ADGRL2: variants seen among roughly 807,000 people sequenced by gnomAD.
ADGRL2 encodes the protein calcium-independent alpha-latrotoxin receptor 2.
ADGRL2 carries 44 observed loss-of-function variants against 157.4 expected under a neutral mutation model. The observed-to-expected ratio is 0.28, with a 90% CI of 0.22 to 0.36. The LOEUF is 0.36. ADGRL2 is among the 10% of genes least tolerant of loss of function. The pLI is 1.00. For missense variants in ADGRL2, 1,510 were observed against 1,768.9 expected, an observed-to-expected ratio of 0.85 and a Z score of 2.63; for synonymous variants, 585 against 624.7, an observed-to-expected ratio of 0.94 and a Z score of 0.95.
At chr1:81,612,847 C>T (rs530158947) in intron 3 of ADGRL2, among the ~76,000 whole-genome samples, 1 of 152,286 alleles carries the variant, frequency 6.6e-6, no homozygotes, top group Admixed American at 6.5e-5. Context: ...AAATGCACAT[C>T]AAAATCACAA....
intron 1 of ADGRL2, among the ~76,000 whole-genome samples, chr1:81,357,391 T>C (rs1400183076): frequency 6.6e-6 from 1 of 152,226 alleles, no homozygotes; most frequent in Non-Finnish European, 1.5e-5. Context: ...GGCTCCTTTA[T>C]ATTCAGTTGA....
chr1:81,915,035 C>T lies in ADGRL2; in HGVS notation c.287+7805C>T, dbSNP rs375940390. ...TATCTAAATATCTTTTATGACCCTG[C>T]TTATCAAATGTAGAAAAGAGAGAAA... On this transcript the variant is annotated intron_variant, in intron 3 of 23. Transcript: ENST00000686636. Among the ~76,000 whole-genome samples the T allele has an allele frequency of 1.1e-4, 17 of 152,222 alleles. No homozygotes were observed. The East Asian group carries it at 3.1e-3, about 28-fold the overall frequency.
intron 2 of ADGRL2, among the ~76,000 whole-genome samples, chr1:81,524,210 C>T (rs1025564712): frequency 2.0e-5 from 3 of 150,530 alleles, no homozygotes; most frequent in South Asian, 2.1e-4. Flanking sequence ...AAAAAAAATA[C>T]AAAAAATTAG....
intron 2 of ADGRL2, chr1:81,503,065 C>G: frequency 5.0e-6 from 8 of 1,609,186 alleles, no homozygotes; most frequent in South Asian, 1.1e-5. Context: ...GCTGCGGGAG[C>G]GGCTGGAGTC....
At chr1:81,437,487 A>G (rs1238768725) in intron 1 of ADGRL2, among the ~76,000 whole-genome samples, 1 of 152,148 alleles carries the variant, frequency 6.6e-6, no homozygotes, top group Non-Finnish European at 1.5e-5. Context: ...TGCTTCCATT[A>G]AGTTCTTTTG....
intron 2 of ADGRL2, among the ~76,000 whole-genome samples, chr1:81,874,186 T>C (rs1042743835): frequency 2.0e-5 from 3 of 152,134 alleles, no homozygotes; most frequent in African/African-American, 7.2e-5. Context: ...ATGGCTCCCT[T>C]TGGAAACAAC....
intron 2 of ADGRL2, among the ~76,000 whole-genome samples, chr1:81,851,569 A>G (rs2093005793): frequency 1.3e-5 from 2 of 151,992 alleles, no homozygotes; most frequent in African/African-American, 4.8e-5. Flanking sequence ...GATATTTTAT[A>G]TAGATTTATA....
At chr1:81,479,818 G>A (rs543487853) in intron 2 of ADGRL2, among the ~76,000 whole-genome samples, 7 of 152,204 alleles carry the variant, frequency 4.6e-5, no homozygotes, top group African/African-American at 1.7e-4. Flanking sequence ...AAATTTTGTG[G>A]AATTATTTCC....
intron 11 of ADGRL2, among the ~76,000 whole-genome samples, chr1:81,959,268 ACCT>A (rs1458496796): frequency 6.7e-6 from 1 of 149,878 alleles, no homozygotes; most frequent in East Asian, 2.0e-4. Context: ...TTTGCTGATA[ACCT>A]CCTTTCATGT....
At chr1:81,871,449 C>T (rs2093692459) in intron 2 of ADGRL2, among the ~76,000 whole-genome samples, 1 of 152,098 alleles carries the variant, frequency 6.6e-6, no homozygotes, top group African/African-American at 2.4e-5. Context: ...GGTGTATACC[C>T]AGTAATGGGA....
intron 2 of ADGRL2, among the ~76,000 whole-genome samples, chr1:81,510,604 T>TA (rs961161124): frequency 9.2e-4 from 140 of 151,800 alleles, no homozygotes; most frequent in African/African-American, 2.8e-3. Context: ...AATATTGATT[T>TA]AAAAAAAAAT....
chr1:81,785,544 A>G (rs1242435352), intron 2 of ADGRL2, among the ~76,000 whole-genome samples: 1 of 152,076 alleles, frequency 6.6e-6, no homozygotes, highest in Non-Finnish European at 1.5e-5. Context: ...CCTGGGCAGC[A>G]TAGGGAGACC....
chr1:81,447,768 C>A (rs570649913), intron 2 of ADGRL2, among the ~76,000 whole-genome samples: 1 of 152,126 alleles, frequency 6.6e-6, no homozygotes, highest in African/African-American at 2.4e-5. Context: ...TATGCGTATG[C>A]CTCTCATATG....
rs1223989218 is a variant in ADGRL2 at position 81,351,601 on chromosome 1, GT to G, written c.-302+45094del. Among the ~76,000 whole-genome samples, 10 of 118,364 alleles carry G rather than the reference GT, an allele frequency of 8.4e-5. No homozygotes were observed. In the Admixed American group the frequency reaches 9.4e-4, roughly 11 times the overall value. The allele number at this position is 118,364 out of a possible 152,430, so 77.7% of individuals were successfully genotyped here. On this transcript the variant is annotated intron_variant, in intron 1 of 24. Coordinates refer to the ADGRL2 transcript ENST00000370721. ...AGAAAAAAATGATTCCAGATTAATT[GT>G]TAAAAAAAAAAAGTCCTTGATGTAT...
intron 2 of ADGRL2, among the ~76,000 whole-genome samples, chr1:81,846,601 G>A (rs1465968511): frequency 6.6e-6 from 1 of 151,846 alleles, no homozygotes; most frequent in African/African-American, 2.4e-5. Flanking sequence ...TACAGGGTGC[G>A]TCTTACTATT....
At chr1:81,942,146 TC>T in intron 5 of ADGRL2, 101 bp downstream of exon 5, 2 of 517,912 alleles carry the variant, frequency 3.9e-6, no homozygotes, top group South Asian at 3.3e-5. Context: ...ATTAAAATAA[TC>T]AGCAGGATCT....
chr1:81,834,292 A>T (rs2092145496), intron 1 of ADGRL2, among the ~76,000 whole-genome samples: 4 of 152,202 alleles, frequency 2.6e-5, no homozygotes, highest in Admixed American at 2.6e-4. Flanking sequence ...CTGTTTGTTG[A>T]AAGGAAATTT....
chr1:81,753,085 G>T (rs577743421), intron 1 of ADGRL2, among the ~76,000 whole-genome samples: 1 of 152,272 alleles, frequency 6.6e-6, no homozygotes, highest in Non-Finnish European at 1.5e-5. Flanking sequence ...TGAAGACATC[G>T]CTGTATCTAT....
chr1:81,969,050 G>A, intron 14 of ADGRL2, 128 bp from the exon 15 acceptor site: 1 of 673,728 alleles, frequency 1.5e-6, no homozygotes, highest in South Asian at 1.9e-5. Flanking sequence ...AGCCTTTTTT[G>A]AACACATATG....
Sources: allele counts gnomAD v4.1 joint callset (sites outside exome capture counted in the v4.1 genomes callset), GRCh38; gene constraint gnomAD v4.1.1; transcripts MANE v1.5; gene names NCBI Gene and HGNC (gene_info 2026-07-23, HGNC 2026-07-21).